HPSE2: variants seen among roughly 807,000 people sequenced by gnomAD.
The protein encoded by HPSE2 is inactive heparanase-2.
In HPSE2, 38 loss-of-function variants were observed where a neutral mutation model predicts 60.5. The ratio of observed to expected loss-of-function variants is 0.63; its 90% confidence interval spans 0.48 to 0.82. HPSE2 has a LOEUF of 0.82. HPSE2 is among the 40% of genes least tolerant of loss of function. The pLI, the probability that HPSE2 is intolerant of heterozygous loss-of-function variation, is 0.00. For missense variants in HPSE2, 713 were observed against 740.4 expected, an observed-to-expected ratio of 0.96 and a Z score of 0.43; for synonymous variants, 295 against 293.2, an observed-to-expected ratio of 1.01 and a Z score of -0.06.
chr10:99,142,705 A>C (rs1207854703), intron 3 of HPSE2, among the ~76,000 whole-genome samples: 1 of 152,222 alleles, frequency 6.6e-6, no homozygotes, highest in Admixed American at 6.5e-5. Context: ...AAACATCCAA[A>C]GGGATTATGT....
At chr10:98,897,883 GAT>G (rs372134653) in intron 3 of HPSE2, among the ~76,000 whole-genome samples, 14 of 152,106 alleles carry the variant, frequency 9.2e-5, no homozygotes, top group African/African-American at 3.4e-4. Context: ...CTCAGCAAAA[GAT>G]ATCATTAATG....
intron 3 of HPSE2, among the ~76,000 whole-genome samples, chr10:99,039,251 C>T (rs1389420677): frequency 6.6e-6 from 1 of 152,070 alleles, no homozygotes; most frequent in Non-Finnish European, 1.5e-5. Context: ...CAGTGCTCTG[C>T]CCAAATTTTG....
At chr10:99,284,481 C>A in the HPSE2 span, among the ~76,000 whole-genome samples, 2 of 152,114 alleles carry the variant, frequency 1.3e-5, no homozygotes, top group African/African-American at 4.8e-5. Context: ...CAAAAATTAA[C>A]TTAAAATTGA....
intron 9 of HPSE2, among the ~76,000 whole-genome samples, chr10:98,525,164 C>T (rs1179518481): frequency 6.6e-6 from 1 of 152,204 alleles, no homozygotes; most frequent in Non-Finnish European, 1.5e-5. Flanking sequence ...GTGCCCACCA[C>T]CATCCCCAGC....
At chr10:98,555,302 C>A (rs1255729805) in intron 9 of HPSE2, among the ~76,000 whole-genome samples, 1 of 152,174 alleles carries the variant, frequency 6.6e-6, no homozygotes. Flanking sequence ...ACTGGGATTC[C>A]ACCCTTTTTA....
chr10:98,727,166 T>C (rs1949106860), intron 4 of HPSE2, among the ~76,000 whole-genome samples: 1 of 152,144 alleles, frequency 6.6e-6, no homozygotes, highest in Admixed American at 6.6e-5. Context: ...CCAAGACCTA[T>C]GGTATGGAAG....
chr10:98,864,126 C>T (rs975442353), intron 3 of HPSE2, among the ~76,000 whole-genome samples: 1 of 152,120 alleles, frequency 6.6e-6, no homozygotes, highest in Non-Finnish European at 1.5e-5. Context: ...ATAGAAAATG[C>T]ATTCTGGGTT....
At chr10:99,026,755 A>C (rs1957386376) in intron 3 of HPSE2, among the ~76,000 whole-genome samples, 1 of 152,206 alleles carries the variant, frequency 6.6e-6, no homozygotes, top group Non-Finnish European at 1.5e-5. Flanking sequence ...CAGAAAATTG[A>C]AATAGTATCA....
intron 3 of HPSE2, among the ~76,000 whole-genome samples, chr10:98,974,169 G>A (rs982454157): frequency 7.9e-5 from 12 of 151,990 alleles, no homozygotes; most frequent in South Asian, 2.1e-4. Flanking sequence ...GTGTGCACCC[G>A]TAATCACAGC....
intron 2 of HPSE2, among the ~76,000 whole-genome samples, chr10:99,213,916 A>C (rs1033577870): frequency 6.6e-6 from 1 of 152,240 alleles, no homozygotes; most frequent in Non-Finnish European, 1.5e-5. Context: ...GGAAGTAAAA[A>C]GAATCCACAG....
chr10:99,250,897 C>T, the HPSE2 span, among the ~76,000 whole-genome samples: 7 of 151,904 alleles, frequency 4.6e-5, no homozygotes, highest in African/African-American at 1.7e-4. Context: ...ATAGCTACCA[C>T]AAAAAAATTA....
intron 2 of HPSE2, 91 bp downstream of exon 2, chr10:99,232,257 G>C: frequency 2.1e-5 from 21 of 1,023,126 alleles, no homozygotes; most frequent in East Asian, 3.0e-5. Context: ...ACACACACAC[G>C]AACACACAGA....
upstream of HPSE2, among the ~76,000 whole-genome samples, chr10:99,236,687 CGA>C (rs1248129023): frequency 1.3e-5 from 2 of 152,138 alleles, no homozygotes; most frequent in Non-Finnish European, 2.9e-5. Flanking sequence ...TTTTCCGATC[CGA>C]GGGCCAAAAG....
chr10:99,074,260 A>C (rs1842890914), intron 3 of HPSE2, among the ~76,000 whole-genome samples: 1 of 152,148 alleles, frequency 6.6e-6, no homozygotes, highest in African/African-American at 2.4e-5. Flanking sequence ...AGTTTTTATC[A>C]TAAAAGCGTG....
the HPSE2 span, among the ~76,000 whole-genome samples, chr10:99,294,574 T>C: frequency 6.6e-6 from 1 of 151,138 alleles, no homozygotes; most frequent in African/African-American, 2.4e-5. Context: ...TTCTAAGACA[T>C]TGTAAGTGGG....
intron 11 of HPSE2, among the ~76,000 whole-genome samples, chr10:98,477,496 G>A (rs954102313): frequency 6.6e-6 from 1 of 152,192 alleles, no homozygotes; most frequent in Non-Finnish European, 1.5e-5. Flanking sequence ...GAACAGAACA[G>A]CCAATGTGAT....
At chr10:98,533,153 T>C (rs531488928) in intron 9 of HPSE2, among the ~76,000 whole-genome samples, 9 of 152,230 alleles carry the variant, frequency 5.9e-5, no homozygotes, top group Non-Finnish European at 1.2e-4. Context: ...AAGTTTGGCC[T>C]TGACTGCTAC....
chr10:98,620,217 T>C (rs1327353314), intron 8 of HPSE2, among the ~76,000 whole-genome samples: 1 of 152,240 alleles, frequency 6.6e-6, no homozygotes, highest in Non-Finnish European at 1.5e-5. Context: ...CCCAGTTCCA[T>C]CAATCATATT....
intron 3 of HPSE2, among the ~76,000 whole-genome samples, chr10:98,762,255 G>A (rs550106150): frequency 7.5e-6 from 1 of 132,500 alleles, no homozygotes; most frequent in Admixed American, 8.4e-5. Flanking sequence ...TGCCTCTAAA[G>A]AAGTCCCAGT....
Sources: gnomAD v4.1 joint callset for allele counts (sites outside exome capture counted in the v4.1 genomes callset) on GRCh38, gnomAD v4.1.1 for gene constraint, MANE v1.5 for transcripts, NCBI Gene and HGNC (gene_info 2026-07-23, HGNC 2026-07-21) for gene names.